The following PARL variants were observed in gnomAD, a reference collection of about 807,000 sequenced individuals.
PARL encodes the protein presenilin associated rhomboid like, also known as presenilin-associated rhomboid-like protein, mitochondrial.
Under a neutral mutation model 51.6 loss-of-function variants are expected in PARL, and 44 were observed. The ratio of observed to expected loss-of-function variants is 0.85; its 90% CI spans 0.67 to 1.10. The LOEUF is 1.10. Ranked by LOEUF, PARL falls within the 50% of genes least tolerant of loss-of-function variation. PARL has a pLI of 0.00. For missense variants in PARL, 441 were observed against 469.5 expected, an observed-to-expected ratio of 0.94 and a Z score of 0.56; for synonymous variants, 172 against 164.0, an observed-to-expected ratio of 1.05 and a Z score of -0.37.
At chr3:183,847,655 A>C (rs77703006) in intron 4 of PARL, among the ~76,000 whole-genome samples, 5,952 of 152,268 alleles carry the variant, frequency 0.039, 154 homozygotes, top group Middle Eastern at 0.082. Context: ...CACACAGTGA[A>C]CCAGCAAATG....
intron 7 of PARL, among the ~76,000 whole-genome samples, chr3:183,835,912 G>A (rs1728518139): frequency 6.6e-6 from 1 of 151,754 alleles, no homozygotes; most frequent in South Asian, 2.1e-4. Context: ...TGATATGAAA[G>A]AGCATTAAAA....
intron 1 of PARL, among the ~76,000 whole-genome samples, chr3:183,874,665 C>T (rs1733590447): frequency 6.6e-6 from 1 of 152,142 alleles, no homozygotes; most frequent in East Asian, 1.9e-4. Context: ...GCTTCGGCCT[C>T]CCAAAGTGCC....
In PARL at chr3:183,868,044, G is replaced by T. The variant is rs1417590154; in HGVS notation, c.142C>A (p.Gln48Lys). Residue 48 changes from glutamine to lysine, a missense_variant, in exon 2 of 10, where the codon CAA becomes AAA. Physicochemically the swap from Gln to Lys is moderately conservative, Grantham distance 53. Coordinates refer to ENST00000317096, the MANE Select transcript of PARL (RefSeq NM_018622.7). ...LLGRRFNFFI[Q>K]QKCGFRKAPR... ...GCTTTTCTGAATCCGCATTTTTGTT[G>T]AATAAAGAAGTTAAACCTATGGGGC... is the stretch of plus-strand genomic sequence containing the variant. The T allele has an allele frequency of 6.2e-7, 1 of 1,613,924 alleles. No homozygotes were observed.
At chr3:183,862,261 G>A (rs993167604) in intron 4 of PARL, among the ~76,000 whole-genome samples, 2 of 152,158 alleles carry the variant, frequency 1.3e-5, no homozygotes, top group Admixed American at 1.3e-4. Flanking sequence ...GCGAAAACTG[G>A]TTTTCGAATG....
chr3:183,877,362 A>G (rs1006415130), intron 1 of PARL, among the ~76,000 whole-genome samples: 1 of 152,184 alleles, frequency 6.6e-6, no homozygotes, highest in Non-Finnish European at 1.5e-5. Context: ...GATGGAATCT[A>G]CTCCTGGTGA....
intron 6 of PARL, among the ~76,000 whole-genome samples, chr3:183,842,032 A>G (rs1729377879): frequency 6.6e-6 from 1 of 152,226 alleles, no homozygotes; most frequent in Admixed American, 6.5e-5. Context: ...TAAATTCTAC[A>G]CTAACCCTTA....
intron 7 of PARL, among the ~76,000 whole-genome samples, chr3:183,839,346 C>T (rs749824562): frequency 2.6e-5 from 4 of 152,108 alleles, no homozygotes; most frequent in Non-Finnish European, 4.4e-5. Flanking sequence ...GGAAATATTA[C>T]ATAAAGATTT....
At chr3:183,874,490 C>A (rs1733569682) in intron 1 of PARL, among the ~76,000 whole-genome samples, 1 of 150,480 alleles carries the variant, frequency 6.6e-6, no homozygotes, top group Non-Finnish European at 1.5e-5. Context: ...CTCACTGCAA[C>A]CTCCACCTCT....
chr3:183,833,535 A>G lies in PARL; in HGVS notation c.985T>C (p.Phe329Leu), dbSNP rs1378689871. The G allele has an allele frequency of 6.2e-7, 1 of 1,613,874 alleles. No individual in the cohort carries two copies. Among genetic ancestry groups the G allele is most frequent in the Non-Finnish European group, 8.5e-7 (1 of 1,179,876 alleles). The change falls in exon 9 of 10, where the codon TTT (phenylalanine) becomes CTT (leucine). Residue 329 changes from phenylalanine to leucine, a missense_variant. Phe to Leu is a conservative substitution (Grantham distance 22). Transcript: ENST00000317096. ...CCAAGATGTGCCGCATGATCAAAAA[A>G]TTTCCATCCCAGGATCATTCCTGCT... ...DTAGMILGWKFFDHAAHLGGA... is the reference protein window; with the variant it reads ...DTAGMILGWKLFDHAAHLGGA...
In PARL at chr3:183,833,592, G is replaced by C. The variant is rs760547437; in HGVS notation, c.931-3C>G. The C allele has an allele frequency of 6.2e-7, 1 of 1,607,352 alleles. No individual in the cohort carries two copies. The highest frequency in any genetic ancestry group is 1.7e-5 in the Admixed American group (1 of 60,014). On this transcript the variant is annotated splice_region_variant and splice_polypyrimidine_tract_variant and intron_variant, in intron 8 of 9. Coordinates refer to ENST00000317096, the MANE Select transcript of PARL (RefSeq NM_018622.7). ...ATGGCGATAATGGCTTTCAGGGCCT[G>C]AAAGGCAGCAAGAAACAAGCGGCAC... is the stretch of plus-strand genomic sequence containing the variant.
chr3:183,827,909 G>A (rs1247519494), downstream of PARL, among the ~76,000 whole-genome samples: 7 of 152,174 alleles, frequency 4.6e-5, no homozygotes, highest in East Asian at 1.9e-4. Context: ...TGAGGGAGAC[G>A]GCAGCCACGG....
At chr3:183,843,626 C>T (rs930551368) in intron 5 of PARL, among the ~76,000 whole-genome samples, 2 of 152,040 alleles carry the variant, frequency 1.3e-5, no homozygotes, top group African/African-American at 2.4e-5. Context: ...GTCAGGAGAT[C>T]GAGACCATCC....
chr3:183,860,190 G>A (rs1239700042), intron 4 of PARL, among the ~76,000 whole-genome samples: 2 of 152,088 alleles, frequency 1.3e-5, no homozygotes, highest in Admixed American at 1.3e-4. Flanking sequence ...CAGTCTACAA[G>A]AAGCAATCAG....
At chr3:183,876,550 T>C (rs116540328) in intron 1 of PARL, among the ~76,000 whole-genome samples, 550 of 146,364 alleles carry the variant, frequency 3.8e-3, no homozygotes, top group African/African-American at 0.013. Flanking sequence ...TTTCAACGTT[T>C]AAGTCTTATT....
chr3:183,838,964 A>G (rs1232788865), intron 7 of PARL, among the ~76,000 whole-genome samples: 1 of 152,240 alleles, frequency 6.6e-6, no homozygotes, highest in African/African-American at 2.4e-5. Context: ...CTAAATTCGA[A>G]TTCTGAGTCT....
chr3:183,873,949 C>T (rs1560429645), intron 1 of PARL, among the ~76,000 whole-genome samples: 1 of 152,152 alleles, frequency 6.6e-6, no homozygotes, highest in Non-Finnish European at 1.5e-5. Context: ...ATACTGAATA[C>T]ATCACACACA....
chr3:183,865,649 C>G (rs1732383590), intron 3 of PARL, among the ~76,000 whole-genome samples: 1 of 152,112 alleles, frequency 6.6e-6, no homozygotes, highest in South Asian at 2.1e-4. Context: ...ATCCCATAAC[C>G]ATCTGCCCCC....
At chr3:183,827,473 G>T (rs1727505348), downstream of PARL, among the ~76,000 whole-genome samples, 1 of 152,068 alleles carries the variant, frequency 6.6e-6, no homozygotes, top group South Asian at 2.1e-4. Context: ...TTTCACAGGT[G>T]ACAACAAAGG....
chr3:183,884,511 A>G (rs1261019931), intron 1 of PARL, among the ~76,000 whole-genome samples: 1 of 152,170 alleles, frequency 6.6e-6, no homozygotes, highest in Non-Finnish European at 1.5e-5. Flanking sequence ...ATGGGAAAGG[A>G]GAAAGCGCAG....
Sources: gnomAD v4.1 joint callset for allele counts (sites outside exome capture counted in the v4.1 genomes callset) on GRCh38, gnomAD v4.1.1 for gene constraint, MANE v1.5 for transcripts, NCBI Gene and HGNC (gene_info 2026-07-23, HGNC 2026-07-21) for gene names.